The following CACNA1A variants were observed in gnomAD, a reference collection of about 807,000 sequenced individuals.
CACNA1A encodes calcium voltage-gated channel subunit alpha1 A, also known as voltage-dependent P/Q-type calcium channel subunit alpha-1A.
CACNA1A carries 57 observed loss-of-function variants against 262.4 expected under a neutral mutation model. The observed-to-expected ratio is 0.22, with a 90% CI of 0.18 to 0.27. CACNA1A has a LOEUF of 0.27. Ranked by LOEUF, CACNA1A falls within the 10% of genes least tolerant of loss-of-function variation. The probability of loss-of-function intolerance (pLI) is 1.00; values close to 1 mark genes in which losing one functional copy is unlikely to be tolerated. For synonymous variants in CACNA1A, 1,431 were observed against 1,419.3 expected (o/e 1.01, Z -0.18); for missense variants, 2,526 against 3,562.8 (o/e 0.71, Z 7.41).
At chr19:13,403,206 C>T (rs965134659) in intron 3 of CACNA1A, among the ~76,000 whole-genome samples, 1 of 152,042 alleles carries the variant, frequency 6.6e-6, no homozygotes. Context: ...AGAGGGTCTC[C>T]TCATCACCTA....
intron 3 of CACNA1A, among the ~76,000 whole-genome samples, chr19:13,422,837 G>T (rs762220004): frequency 6.6e-6 from 1 of 152,242 alleles, no homozygotes; most frequent in African/African-American, 2.4e-5. Flanking sequence ...ATTGCTGGGA[G>T]AATTGAGCAC....
intron 24 of CACNA1A, among the ~76,000 whole-genome samples, chr19:13,266,034 G>A (rs984664959): frequency 2.6e-5 from 4 of 151,898 alleles, no homozygotes; most frequent in Non-Finnish European, 5.9e-5. Context: ...AGTAGAGACG[G>A]GGTTTCTCCA....
At chr19:13,500,936 C>A (rs1198572373) in intron 1 of CACNA1A, among the ~76,000 whole-genome samples, 1 of 152,094 alleles carries the variant, frequency 6.6e-6, no homozygotes, top group Non-Finnish European at 1.5e-5. Context: ...ATTCAAAAGG[C>A]TATATACTGT....
chr19:13,389,199 G>A (rs115777000), intron 3 of CACNA1A, among the ~76,000 whole-genome samples: 2,392 of 152,170 alleles, frequency 0.016, 71 homozygotes, highest in African/African-American at 0.055. Context: ...CACCGTGCCC[G>A]GCAACAACCA....
rs538105856 is a variant in CACNA1A, at chr19:13,453,112, C to G, written c.400-97G>C. 81 of 1,250,226 alleles carry G rather than the reference C, an allele frequency of 6.5e-5. No individual in the cohort carries two copies. In the East Asian group the frequency reaches 1.8e-3, roughly 28 times the overall value. The allele number at this position is 1,250,226 out of a possible 1,614,324, so 77.4% of individuals were successfully genotyped here. A position where few individuals can be genotyped will look rare whatever the true frequency, so the allele number is the denominator to read the frequency against. On this transcript the variant is annotated intron_variant, in intron 2 of 46. Coordinates refer to ENST00000360228, the MANE Select transcript of CACNA1A (RefSeq NM_001127222.2). ...CCTAGAAATCAGTACCTATCACCCT[C>G]TCACTTCCCCTGACCCTCCTGCACT...
chr19:13,464,044 A>G (rs916810248), intron 1 of CACNA1A, among the ~76,000 whole-genome samples: 2 of 152,192 alleles, frequency 1.3e-5, no homozygotes, highest in East Asian at 1.9e-4. Flanking sequence ...GTAAGTGCTC[A>G]AGGAATGTGA....
intron 19 of CACNA1A, among the ~76,000 whole-genome samples, chr19:13,296,511 T>C (rs756384850): frequency 3.9e-5 from 6 of 152,226 alleles, no homozygotes; most frequent in South Asian, 4.1e-4. Context: ...TGGTTCTGAA[T>C]GGATAAGTTG....
chr19:13,344,124 G>A (rs1167772402), intron 6 of CACNA1A, among the ~76,000 whole-genome samples: 1 of 151,282 alleles, frequency 6.6e-6, no homozygotes, highest in African/African-American at 2.4e-5. Flanking sequence ...TGAAGTGGGA[G>A]GTTCACTTGA....
chr19:13,427,942 G>GT (rs1311890494), intron 3 of CACNA1A, among the ~76,000 whole-genome samples: 24 of 151,042 alleles, frequency 1.6e-4, no homozygotes, highest in African/African-American at 5.9e-4. Flanking sequence ...ATAATAACAG[G>GT]TTGTTTTTTT....
chr19:13,328,938 C>T (rs2058418710), intron 10 of CACNA1A, among the ~76,000 whole-genome samples: 1 of 151,722 alleles, frequency 6.6e-6, no homozygotes, highest in African/African-American at 2.4e-5. Flanking sequence ...TCCTCTTTCT[C>T]TTGCCATCCT....
chr19:13,440,862 G>A (rs1001271918), intron 3 of CACNA1A, among the ~76,000 whole-genome samples: 1 of 152,194 alleles, frequency 6.6e-6, no homozygotes, highest in Non-Finnish European at 1.5e-5. Context: ...TTGGACTGCA[G>A]TGGTGCAAGC....
At chr19:13,240,800 A>G (rs1057148091) in intron 31 of CACNA1A, among the ~76,000 whole-genome samples, 1 of 151,702 alleles carries the variant, frequency 6.6e-6, no homozygotes, top group African/African-American at 2.4e-5. Context: ...GAGTGTGTGC[A>G]CAGTGACTGT....
chr19:13,351,167 C>T (rs966361560), intron 6 of CACNA1A, among the ~76,000 whole-genome samples: 1 of 152,104 alleles, frequency 6.6e-6, no homozygotes, highest in East Asian at 1.9e-4. Context: ...CTCTATTCTT[C>T]GGAAATGAGT....
chr19:13,209,229 C>G, intron 45 of CACNA1A, 83 bp downstream of exon 45: 1 of 1,406,846 alleles, frequency 7.1e-7, no homozygotes, highest in Non-Finnish European at 9.3e-7. Context: ...TTTCTTCTTC[C>G]TTAGTGTCTC....
Position 13,324,413 on chromosome 19 carries a change from A to G in CACNA1A, c.1345+5831T>C, listed in dbSNP as rs2058312423. Among the ~76,000 whole-genome samples, 5 of 152,162 alleles carry G rather than the reference A, an allele frequency of 3.3e-5. No individual in the cohort carries two copies. The South Asian group carries it at 1.0e-3, about 32-fold the overall frequency. On this transcript the variant is annotated intron_variant, in intron 10 of 46. Coordinates refer to ENST00000360228, the MANE Select transcript of CACNA1A (RefSeq NM_001127222.2). The stretch of plus-strand genomic sequence containing the variant: ...ATTAATAAATAGTAATGTGTTGCAT[A>G]TTTCAAAATTGCTAAGAGATTTTTA...
intron 46 of CACNA1A, 33 bp from the exon 47 acceptor site, chr19:13,208,086 A>G (rs2054634608): frequency 1.6e-6 from 2 of 1,258,822 alleles, no homozygotes; most frequent in Non-Finnish European, 2.0e-6. Context: ...GAAATCAAAA[A>G]AAAAGATACA....
At chr19:13,346,655 TATATATATA>T (rs1568557603) in intron 6 of CACNA1A, among the ~76,000 whole-genome samples, 5 of 5,906 alleles carry the variant, frequency 8.5e-4, no homozygotes, top group Admixed American at 3.1e-3. Flanking sequence ...TATATATATA[TATATATATA>T]TATTTTTTTT....
intron 6 of CACNA1A, among the ~76,000 whole-genome samples, chr19:13,340,615 C>T (rs977155875): frequency 3.3e-5 from 5 of 151,858 alleles, no homozygotes; most frequent in Admixed American, 1.3e-4. Context: ...TTAGTAGAGG[C>T]GGGGTTTGAC....
chr19:13,386,872 T>A (rs1383175836), intron 3 of CACNA1A, among the ~76,000 whole-genome samples: 1 of 152,088 alleles, frequency 6.6e-6, no homozygotes, highest in Non-Finnish European at 1.5e-5. Flanking sequence ...ACAGTGACGA[T>A]GTTAGAGTGG....
Sources: allele counts gnomAD v4.1 joint callset (sites outside exome capture counted in the v4.1 genomes callset), GRCh38; gene constraint gnomAD v4.1.1; transcripts MANE v1.5; gene names NCBI Gene and HGNC (gene_info 2026-07-23, HGNC 2026-07-21).